Variants in PLEKHS1 observed in about 807,000 individuals in gnomAD.
PLEKHS1 encodes pleckstrin homology domain containing S1.
A neutral mutation model predicts 51.0 loss-of-function variants in PLEKHS1; 55 were observed. That is an observed-to-expected ratio of 1.08 (90% CI 0.87 to 1.35). PLEKHS1 has a LOEUF of 1.35. Ranked by LOEUF, PLEKHS1 falls within the 40% of genes most tolerant of loss-of-function variation. PLEKHS1 has a pLI of 0.00. For missense variants in PLEKHS1, 398 were observed against 423.0 expected, an observed-to-expected ratio of 0.94 and a Z score of 0.52; for synonymous variants, 153 against 144.8, an observed-to-expected ratio of 1.06 and a Z score of -0.41.
At chr10:113,772,322 G>A (rs1417820095) in intron 8 of PLEKHS1, among the ~76,000 whole-genome samples, 3 of 152,162 alleles carry the variant, frequency 2.0e-5, no homozygotes, top group African/African-American at 4.8e-5. Flanking sequence ...CATGAGCTAT[G>A]GGAGGAGGAG....
Position 113,777,267 on chromosome 10 carries a change from G to A in PLEKHS1, c.1091+1401G>A, listed in dbSNP as rs377598961. The stretch of plus-strand genomic sequence containing the variant: ...CGGTCCATCCAGAAGGAGGTGAGTC[G>A]TACTGACCAGCCCTGAACAGGGCAA... On this transcript the variant is annotated intron_variant, in intron 11 of 11. Coordinates refer to ENST00000361048, the Ensembl canonical transcript of PLEKHS1. 66 of 1,612,576 alleles carry A rather than the reference G, an allele frequency of 4.1e-5. 2 individuals carry two copies. The highest frequency in any genetic ancestry group is 8.8e-5 in the South Asian group (8 of 91,000).
chr10:113,767,475 G>A (rs200704795), exon 5 of PLEKHS1: 565 of 1,606,342 alleles, frequency 3.5e-4, no homozygotes, highest in Non-Finnish European at 4.2e-4. Context: ...CATTGGCCAC[G>A]ACAGGTGAGA....
At chr10:113,756,498 C>G (rs532210783) in intron 2 of PLEKHS1, among the ~76,000 whole-genome samples, 12 of 152,170 alleles carry the variant, frequency 7.9e-5, no homozygotes, top group African/African-American at 2.9e-4. Context: ...AACTTAAACA[C>G]ATGCAAGTCA....
chr10:113,774,176 C>G (rs963396805), intron 8 of PLEKHS1, 51 bp from the exon 9 acceptor site: 11 of 1,121,248 alleles, frequency 9.8e-6, no homozygotes, highest in Non-Finnish European at 1.3e-5. Flanking sequence ...TAAGAAGGTA[C>G]CTGACTTATC....
intron 2 of PLEKHS1, among the ~76,000 whole-genome samples, chr10:113,758,262 T>G (rs916830056): frequency 5.3e-5 from 8 of 152,230 alleles, no homozygotes; most frequent in Admixed American, 5.2e-4. Context: ...TGAAATGTAT[T>G]TCTTAAATAA....
intron 2 of PLEKHS1, among the ~76,000 whole-genome samples, chr10:113,764,595 T>G (rs1245035063): frequency 1.3e-5 from 2 of 152,214 alleles, no homozygotes; most frequent in Admixed American, 6.5e-5. Flanking sequence ...GTGTATCTTG[T>G]GCCGAGATTC....
chr10:113,774,819 G>C lies in PLEKHS1; in HGVS notation c.780-7G>C, dbSNP rs993297491. 6.2e-7 allele frequency: 1 copy of C among 1,611,702 alleles called. No individual in the cohort carries two copies. Among genetic ancestry groups the C allele is most frequent in the Non-Finnish European group, 8.5e-7 (1 of 1,178,102 alleles). Reference sequence around the variant, plus strand: ...AATAGGGCTTGTTTTAACTTCTTATGCTCTAGTTTTTTCAAAGAGACATCC... The same window carrying C: ...AATAGGGCTTGTTTTAACTTCTTATCCTCTAGTTTTTTCAAAGAGACATCC... On this transcript the variant is annotated splice_polypyrimidine_tract_variant and splice_region_variant and intron_variant, in intron 9 of 11. Coordinates refer to ENST00000361048, the Ensembl canonical transcript of PLEKHS1.
intron 11 of PLEKHS1, among the ~76,000 whole-genome samples, chr10:113,779,485 G>T (rs1410954096): frequency 6.6e-6 from 1 of 151,478 alleles, no homozygotes; most frequent in African/African-American, 2.4e-5. Context: ...CAGGAGAATA[G>T]CTTGAACCCA....
At chr10:113,768,480 C>T (rs545131724) in intron 5 of PLEKHS1, among the ~76,000 whole-genome samples, 5 of 152,330 alleles carry the variant, frequency 3.3e-5, no homozygotes, top group East Asian at 1.9e-4. Context: ...GGCCCACCTG[C>T]ATAGTTACAC....
chr10:113,763,489 C>A (rs1431414575), intron 2 of PLEKHS1, among the ~76,000 whole-genome samples: 1 of 152,046 alleles, frequency 6.6e-6, no homozygotes, highest in Non-Finnish European at 1.5e-5. Context: ...TATTTATTTT[C>A]TGTTTGTCCT....
intron 11 of PLEKHS1, among the ~76,000 whole-genome samples, chr10:113,780,379 G>A (rs1190037501): frequency 6.6e-6 from 1 of 152,104 alleles, no homozygotes; most frequent in African/African-American, 2.4e-5. Context: ...TTCCTTAAAA[G>A]CTCAGCTTCC....
exon 11 of PLEKHS1, chr10:113,775,833 A>G (rs776304790): frequency 1.2e-6 from 2 of 1,613,056 alleles, no homozygotes; most frequent in South Asian, 1.1e-5. Flanking sequence ...GTCATCAACT[A>G]TCTTGCTCTC....
intron 5 of PLEKHS1, 69 bp from the exon 6 acceptor site, chr10:113,768,746 G>T (rs1844268623): frequency 9.4e-6 from 12 of 1,273,294 alleles, no homozygotes; most frequent in Non-Finnish European, 1.3e-5. Flanking sequence ...ATTCATAAAA[G>T]AATCCTTCTC....
chr10:113,758,084 T>C (rs1281970810), intron 2 of PLEKHS1, among the ~76,000 whole-genome samples: 1 of 152,328 alleles, frequency 6.6e-6, no homozygotes, highest in African/African-American at 2.4e-5. Flanking sequence ...CGAGGAGTAT[T>C]GGAATCCACT....
chr10:113,754,458 T>C lies in PLEKHS1; in HGVS notation c.-19-801T>C, dbSNP rs921964676. Among the ~76,000 whole-genome samples, 12 of 152,270 alleles carry C rather than the reference T, an allele frequency of 7.9e-5. No individual in the cohort carries two copies. In the South Asian group the frequency reaches 1.7e-3, roughly 21 times the overall value. On this transcript the variant is annotated intron_variant, in intron 1 of 11. Transcript: ENST00000361048. ...TCGCCAGCAGCTGGCCAGGAAAGGATGCTGCCTCTCAGATTCAGTTTCTCC... is the reference window on the plus strand; with the variant it reads ...TCGCCAGCAGCTGGCCAGGAAAGGACGCTGCCTCTCAGATTCAGTTTCTCC...
At chr10:113,773,748 A>AG (rs376581864) in intron 8 of PLEKHS1, among the ~76,000 whole-genome samples, 1 of 152,142 alleles carries the variant, frequency 6.6e-6, no homozygotes, top group Non-Finnish European at 1.5e-5. Context: ...CTTTGTTCTA[A>AG]GGGGGCTATG....
intron 11 of PLEKHS1, among the ~76,000 whole-genome samples, chr10:113,779,604 C>T (rs1481507541): frequency 1.3e-5 from 2 of 151,210 alleles, no homozygotes; most frequent in African/African-American, 4.9e-5. Flanking sequence ...TACACTGGGG[C>T]CAAGTGGTCA....
In PLEKHS1 at chr10:113,761,567, A is replaced by G. The variant is rs548620263; in HGVS notation, c.29-4844A>G. On this transcript the variant is annotated intron_variant, in intron 2 of 11. Transcript: ENST00000361048. ...TAAATGGAACTGTTTTCATAATTTT[A>G]TTTTTGGATTATTTATTGCTGGTTT... Among the ~76,000 whole-genome samples the G allele has an allele frequency of 3.3e-5, 5 of 151,894 alleles. No individual in the cohort carries two copies. In the South Asian group the frequency reaches 1.0e-3, roughly 32 times the overall value.
intron 11 of PLEKHS1, chr10:113,777,544 G>A: frequency 6.4e-7 from 1 of 1,552,114 alleles, no homozygotes; most frequent in Non-Finnish European, 8.7e-7. Flanking sequence ...ACTGGTGCAG[G>A]GATTCCAAAA....
Sources: allele counts gnomAD v4.1 joint callset (sites outside exome capture counted in the v4.1 genomes callset), GRCh38; gene constraint gnomAD v4.1.1; transcripts MANE v1.5; gene names NCBI Gene and HGNC (gene_info 2026-07-23, HGNC 2026-07-21).